The following KLHL12 variants were observed in gnomAD, a reference collection of about 807,000 sequenced individuals.
KLHL12 encodes the protein kelch-like protein 12.
Under a neutral mutation model 60.8 loss-of-function variants are expected in KLHL12, and 17 were observed. The observed-to-expected ratio is 0.28, with a 90% CI of 0.19 to 0.42. The LOEUF is 0.42. Ranked by LOEUF, KLHL12 falls within the 10% of genes least tolerant of loss-of-function variation. The probability of loss-of-function intolerance (pLI) is 1.00; values close to 1 mark genes in which losing one functional copy is unlikely to be tolerated. For synonymous variants in KLHL12, 220 were observed against 250.9 expected (o/e 0.88, Z 1.16); for missense variants, 468 against 722.3 (o/e 0.65, Z 4.04).
chr1:202,892,568 A>G lies in KLHL12; in HGVS notation c.1672T>C (p.Cys558Arg). 6.2e-7 allele frequency: 1 copy of G among 1,614,076 alleles called. No homozygotes were observed. The highest frequency in any genetic ancestry group is 8.5e-7 in the Non-Finnish European group (1 of 1,180,028). Residue 558 changes from cysteine (C) to arginine (R), a missense_variant, in exon 12 of 12, where the codon TGT becomes CGT. Cys to Arg is a radical substitution (Grantham distance 180). Transcript: ENST00000367261. The part of the protein sequence containing the change: ...EVVTSMGTQR[C>R]DAGVCVLREK ...CGGAGAACACAAACACCAGCATCAC[A>G]GCGCTGGGTTCCCATGGATGTCACG...
intron 1 of KLHL12, among the ~76,000 whole-genome samples, 175 bp from the exon 2 acceptor site, chr1:202,925,382 T>C (rs949634292): frequency 1.3e-5 from 2 of 152,248 alleles, no homozygotes; most frequent in African/African-American, 4.8e-5. Context: ...ATCTAGTCCA[T>C]GTAAAAGCTC....
Position 202,894,220 on chromosome 1 carries a change from A to T in KLHL12, c.1357T>A (p.Trp453Arg). The T allele has an allele frequency of 6.4e-7, 1 of 1,557,710 alleles. No individual in the cohort carries two copies. Among genetic ancestry groups the T allele is most frequent in the Admixed American group, 1.9e-5 (1 of 51,602 alleles). ...VEKYDPHTGHWTNVTPMATKR... is the reference protein window; with the variant it reads ...VEKYDPHTGHRTNVTPMATKR... ...GTGGCCATTGGTGTAACATTAGTCC[A>T]ATGTCCTGTATGAGGGTCGTATTTC... Residue 453 changes from tryptophan to arginine, a missense_variant, in exon 10 of 12, where the codon TGG becomes AGG. This residue lies in a region of KLHL12 where 339 missense variants were observed against 525.0 expected (regional missense o/e 0.65). Coordinates refer to ENST00000367261, the MANE Select transcript of KLHL12 (RefSeq NM_021633.4).
chr1:202,925,025 G>A lies in KLHL12; in HGVS notation c.138C>T (p.Ala46=). Residue 46 remains alanine (A), a synonymous_variant, in exon 2 of 12, where the codon GCC becomes GCT. Coordinates refer to ENST00000367261, the MANE Select transcript of KLHL12 (RefSeq NM_021633.4). ...TACAGGCAGCCAGCACAATCCGATGGGCAGGGAAGTCTTTCTGCTCTACTC... is the reference window on the plus strand; with the variant it reads ...TACAGGCAGCCAGCACAATCCGATGAGCAGGGAAGTCTTTCTGCTCTACTC... ...TLRVEQKDFP[A]HRIVLAACSD... The A allele has an allele frequency of 6.2e-7, 1 of 1,614,136 alleles. No individual in the cohort carries two copies. Among genetic ancestry groups the A allele is most frequent in the Non-Finnish European group, 8.5e-7 (1 of 1,180,014 alleles).
rs1660584124 is a variant in KLHL12, at chr1:202,918,292, T to G, written c.446A>C (p.Asp149Ala). ...RDFAETHNCVDLMQAAEVFSQ... is the reference protein window; with the variant it reads ...RDFAETHNCVALMQAAEVFSQ... ...AAAAACCTCAGCTGCTTGCATCAGGTCAACACAATTGTGGGTTTCAGCAAA... is the reference window on the plus strand; with the variant it reads ...AAAAACCTCAGCTGCTTGCATCAGGGCAACACAATTGTGGGTTTCAGCAAA... Residue 149 changes from aspartate to alanine, a missense_variant, in exon 4 of 12, where the codon GAC becomes GCC. This residue lies in a region of KLHL12 where 339 missense variants were observed against 525.0 expected (regional missense o/e 0.65). Coordinates refer to ENST00000367261, the MANE Select transcript of KLHL12 (RefSeq NM_021633.4). 9 of 1,614,100 alleles carry G rather than the reference T, an allele frequency of 5.6e-6. No homozygotes were observed. The highest frequency in any genetic ancestry group is 6.8e-6 in the Non-Finnish European group (8 of 1,179,998).
intron 3 of KLHL12, among the ~76,000 whole-genome samples, chr1:202,918,813 A>G (rs902783580): frequency 1.3e-5 from 2 of 152,272 alleles, no homozygotes; most frequent in African/African-American, 4.8e-5. Context: ...TCTCATATTT[A>G]TCTAATTGAA....
rs1396008453 is a variant in KLHL12 at position 202,893,610 on chromosome 1, G to C, written c.1394-185C>G. Among the ~76,000 whole-genome samples the C allele has an allele frequency of 6.6e-6, 1 of 152,164 alleles. No individual in the cohort carries two copies. The highest frequency in any genetic ancestry group is 6.5e-5 in the Admixed American group (1 of 15,276). The stretch of plus-strand genomic sequence containing the variant: ...ATTCCATCTATAAACCCTTTGGCTT[G>C]GACTTGAAATGATAAAAGATAAATA... On this transcript the variant is annotated intron_variant, in intron 10 of 11. Coordinates refer to ENST00000367261, the MANE Select transcript of KLHL12 (RefSeq NM_021633.4). The surrounding 1 kb of genome is among the most constrained non-coding windows in gnomAD (Gnocchi z 4.1).
chr1:202,902,227 C>T (rs960773053), intron 6 of KLHL12, among the ~76,000 whole-genome samples: 1 of 151,964 alleles, frequency 6.6e-6, no homozygotes, highest in Non-Finnish European at 1.5e-5. Flanking sequence ...GTCAGGAGTT[C>T]GAGACCAGCC....
Position 202,893,398 on chromosome 1 carries a change from T to C in KLHL12, c.1421A>G (p.His474Arg), listed in dbSNP as rs367866588. ...ATCAAATCCCCCCACCACATAAATA[T>C]GGTCATTCAGCAGGGCTACTCCTGC... ...SGAGVALLNDHIYVVGGFDGT... is the reference protein window; with the variant it reads ...SGAGVALLNDRIYVVGGFDGT... Residue 474 changes from histidine (H) to arginine (R), a missense_variant, in exon 11 of 12, where the codon CAT (histidine) becomes CGT (arginine). Transcript: ENST00000367261. The surrounding 1 kb of genome is among the most constrained non-coding windows in gnomAD (Gnocchi z 4.1). 1 of 1,613,674 alleles carries C rather than the reference T, an allele frequency of 6.2e-7. No individual in the cohort carries two copies. Among genetic ancestry groups the C allele is most frequent in the African/African-American group, 1.3e-5 (1 of 74,904 alleles).
Position 202,903,629 on chromosome 1 carries a change from C to CTTTTTTTTTTT in KLHL12, c.832+5370_832+5380dup, listed in dbSNP as rs1220119536. On this transcript the variant is annotated intron_variant, in intron 6 of 11. Coordinates refer to ENST00000367261, the MANE Select transcript of KLHL12 (RefSeq NM_021633.4). The stretch of plus-strand genomic sequence containing the variant: ...CTGGGACCACTAATTTTTTTCTTTT[C>CTTTTTTTTTTT]TTTTTTTTTTTGAAACGGCGTCTTG... Among the ~76,000 whole-genome samples the CTTTTTTTTTTT allele has an allele frequency of 5.3e-5, 4 of 76,082 alleles. 2 individuals are homozygous for CTTTTTTTTTTT. The Admixed American group carries it at 8.3e-4, about 16-fold the overall frequency. 49.9% of individuals were successfully genotyped at this position (76,082 alleles called of 152,430 possible).
intron 4 of KLHL12, chr1:202,911,766 A>C: frequency 1.5e-6 from 1 of 666,090 alleles, no homozygotes; most frequent in East Asian, 2.5e-5. Context: ...CTGCCTGTGG[A>C]CGCCGCCGAA....
chr1:202,927,519 C>CAAAAA (rs869139683), upstream of KLHL12, among the ~76,000 whole-genome samples: 27 of 52,794 alleles, frequency 5.1e-4, 4 homozygotes, highest in African/African-American at 1.5e-3. Context: ...CCCGTTTCTA[C>CAAAAA]AAAAAAAAAA....
At chr1:202,912,268 C>G in intron 4 of KLHL12, 3 of 1,002,886 alleles carry the variant, frequency 3.0e-6, no homozygotes, top group Non-Finnish European at 4.7e-6. Flanking sequence ...GCCTTTGTAA[C>G]CTTTGATGAC....
In KLHL12 at chr1:202,891,792, G is replaced by A. The variant is rs573510592; in HGVS notation, c.*741C>T. On this transcript the variant is annotated 3_prime_UTR_variant, in exon 12 of 12. Coordinates refer to ENST00000367261, the MANE Select transcript of KLHL12 (RefSeq NM_021633.4). Reference sequence around the variant, plus strand: ...CACTCTTTTATGCTGTCTCCAGTGCGAAAGACCTCGGGGAAATAAAAAGAT... The same window carrying A: ...CACTCTTTTATGCTGTCTCCAGTGCAAAAGACCTCGGGGAAATAAAAAGAT... The A allele has an allele frequency of 4.6e-5, 7 of 152,264 alleles. No homozygotes were observed. The East Asian group carries it at 5.8e-4, about 13-fold the overall frequency. 9.4% of individuals were successfully genotyped at this position (152,264 alleles called of 1,614,324 possible).
rs1659691665 is a variant in KLHL12, at chr1:202,892,063, A to G, written c.*470T>C. 1 of 133,790 alleles carries G rather than the reference A, an allele frequency of 7.5e-6. No homozygotes were observed. Among genetic ancestry groups the G allele is most frequent in the African/African-American group, 2.8e-5 (1 of 35,894 alleles). 8.3% of individuals were successfully genotyped at this position (133,790 alleles called of 1,614,324 possible). The stretch of plus-strand genomic sequence containing the variant: ...TGTTGCCCCTAGCTACCTGTATATG[A>G]GAAAATGTAGTTGTTCCTGGAAAAA... On this transcript the variant is annotated 3_prime_UTR_variant, in exon 12 of 12. Transcript: ENST00000367261.
intron 4 of KLHL12, among the ~76,000 whole-genome samples, chr1:202,915,725 A>G (rs1660503732): frequency 7.2e-5 from 11 of 152,206 alleles, no homozygotes; most frequent in Admixed American, 6.5e-4. Flanking sequence ...TGGCTCTACC[A>G]CTTACTAGTG....
At chr1:202,923,518 C>T (rs1660760482) in intron 2 of KLHL12, among the ~76,000 whole-genome samples, 1 of 152,124 alleles carries the variant, frequency 6.6e-6, no homozygotes, top group African/African-American at 2.4e-5. Context: ...TTTAACTATA[C>T]CAGTTTTAAA....
intron 3 of KLHL12, among the ~76,000 whole-genome samples, chr1:202,918,935 A>C (rs2102451750): frequency 6.6e-6 from 1 of 152,334 alleles, no homozygotes; most frequent in South Asian, 2.1e-4. Context: ...TAAAAACTGA[A>C]AACATAACTG....
Position 202,893,019 on chromosome 1 carries a change from G to A in KLHL12, c.1580+220C>T, listed in dbSNP as rs546619950. ...TAAAAAACTAGTCTGGCACAGTGGC[G>A]TGCACCTGTGGTCCCAGCTACTCTA... On this transcript the variant is annotated intron_variant, in intron 11 of 11. Transcript: ENST00000367261. This position sits in a 1 kb window ranked among gnomAD's most constrained non-coding sequence, Gnocchi z 4.1. Among the ~76,000 whole-genome samples, 12 of 152,004 alleles carry A rather than the reference G, an allele frequency of 7.9e-5. No individual in the cohort carries two copies. Among genetic ancestry groups the A allele is most frequent in the Non-Finnish European group, 1.3e-4 (9 of 67,970 alleles).
chr1:202,925,780 T>C (rs1291399513), intron 1 of KLHL12, among the ~76,000 whole-genome samples: 1 of 152,170 alleles, frequency 6.6e-6, no homozygotes, highest in Non-Finnish European at 1.5e-5. Context: ...ATATGTCTGA[T>C]GACTTCCAAA....
Sources: gnomAD v4.1 joint callset for allele counts (sites outside exome capture counted in the v4.1 genomes callset) on GRCh38, gnomAD v4.1.1 for gene constraint, gnomAD v4.1.1 regional missense constraint, Gnocchi (gnomAD v3.1) non-coding constraint, MANE v1.5 for transcripts, NCBI Gene and HGNC (gene_info 2026-07-23, HGNC 2026-07-21) for gene names.